The following PON2 variants were observed in gnomAD, a reference collection of about 807,000 sequenced individuals.
PON2 encodes paraoxonase 2.
A neutral mutation model predicts 36.6 loss-of-function variants in PON2; 27 were observed. The ratio of observed to expected loss-of-function variants is 0.74; its 90% CI spans 0.54 to 1.02. PON2 has a LOEUF of 1.02. Among genes scored for constraint, PON2 ranks in the 50% least tolerant of loss-of-function variants. PON2 has a pLI of 0.00. For missense variants in PON2, 363 were observed against 421.1 expected (o/e 0.86, Z 1.21); for synonymous variants, 149 against 156.3 (o/e 0.95, Z 0.35).
intron 1 of PON2, among the ~76,000 whole-genome samples, chr7:95,429,397 T>G (rs932002412): frequency 1.3e-5 from 2 of 152,148 alleles, no homozygotes; most frequent in Non-Finnish European, 2.9e-5. Context: ...TATTCCATGG[T>G]GTATATGTGC....
chr7:95,416,045 C>T (rs1201713989), intron 3 of PON2, 197 bp downstream of exon 3: 2 of 910,826 alleles, frequency 2.2e-6, no homozygotes, highest in South Asian at 3.5e-5. Flanking sequence ...ATAAAGAACA[C>T]TATCTCAATG....
intron 2 of PON2, among the ~76,000 whole-genome samples, chr7:95,422,014 T>C (rs1029078036): frequency 1.3e-4 from 20 of 152,302 alleles, no homozygotes; most frequent in African/African-American, 4.6e-4. Context: ...TAAACACATA[T>C]TCTAAGGGAA....
chr7:95,414,911 A>G (rs1789025381), intron 3 of PON2, among the ~76,000 whole-genome samples: 1 of 152,194 alleles, frequency 6.6e-6, no homozygotes, highest in Non-Finnish European at 1.5e-5. Context: ...GTATCTCTTT[A>G]TTGCCTCAGT....
At chr7:95,415,639 C>T (rs890288751) in intron 3 of PON2, among the ~76,000 whole-genome samples, 8 of 152,176 alleles carry the variant, frequency 5.3e-5, no homozygotes, top group Admixed American at 5.2e-4. Context: ...TCAAATATCC[C>T]TCTTAATAGT....
rs1788932364 is a variant in PON2 at position 95,411,765 on chromosome 7, G to A, written c.382C>T (p.Leu128Phe). 1.9e-6 allele frequency: 3 copies of A among 1,613,598 alleles called. No homozygotes were observed. The East Asian group carries it at 6.7e-5, about 36-fold the overall frequency. Residue 128 changes from leucine to phenylalanine, a missense_variant, in exon 5 of 9, where the codon CTC becomes TTC. Coordinates refer to ENST00000222572, the MANE Select transcript of PON2 (RefSeq NM_000305.3). ...AATTCTGGGTGGTTTACAACAAAGA[G>A]ATAAACTGTGTCATCTAAAGAATTG... is the stretch of plus-strand genomic sequence containing the variant. ...TFIDNDDTVY[L>F]FVVNHPEFKN...
rs1041182781 is a variant in PON2, at chr7:95,412,429, C to T, written c.250G>A (p.Gly84Arg). The change falls in exon 4 of 9, where the codon GGA becomes AGA. Residue 84 changes from glycine to arginine, a missense_variant. By Grantham distance (125) the Gly-to-Arg change is moderately radical. Coordinates refer to ENST00000222572, the MANE Select transcript of PON2 (RefSeq NM_000305.3). ...TCTTTTAGATCCATCATTAGTATTC[C>T]TCCAGGCTTATCTGGTGCAAAGCTG... is the stretch of plus-strand genomic sequence containing the variant. ...LHSFAPDKPGGILMMDLKEEK... is the reference protein window; with the variant it reads ...LHSFAPDKPGRILMMDLKEEK... 7.4e-6 allele frequency: 12 copies of T among 1,614,066 alleles called. No individual in the cohort carries two copies. Among genetic ancestry groups the T allele is most frequent in the Non-Finnish European group, 1.0e-5 (12 of 1,179,994 alleles).
intron 2 of PON2, among the ~76,000 whole-genome samples, chr7:95,419,121 T>A (rs1477741023): frequency 2.0e-5 from 3 of 152,238 alleles, no homozygotes; most frequent in Non-Finnish European, 4.4e-5. Context: ...CCAATCATGT[T>A]TAAAAGGTGT....
At chr7:95,414,694 C>T (rs1156504345) in intron 3 of PON2, among the ~76,000 whole-genome samples, 2 of 152,264 alleles carry the variant, frequency 1.3e-5, no homozygotes, top group East Asian at 3.9e-4. Context: ...AGAATGTTTG[C>T]ATCTTTACTT....
At chr7:95,405,609 A>C in intron 8 of PON2, 121 bp from the exon 9 acceptor site, 1 of 973,714 alleles carries the variant, frequency 1.0e-6, no homozygotes. Flanking sequence ...TGAAAATAGC[A>C]GTTACCAATC....
At chr7:95,407,206 A>G (rs904831128) in intron 6 of PON2, 138 bp from the exon 7 acceptor site, 7 of 561,488 alleles carry the variant, frequency 1.2e-5, no homozygotes, top group African/African-American at 7.6e-5. Context: ...ATAAAGGTCA[A>G]TTTTTATTTA....
chr7:95,416,515 A>T, intron 2 of PON2: 1 of 581,400 alleles, frequency 1.7e-6, no homozygotes, highest in South Asian at 2.0e-5. Context: ...TGTTTACTCA[A>T]ATCAAAGTCA....
At position 95,421,284 on chromosome 7, in the gene PON2, T is replaced by C. The variant is rs1231245084; in HGVS notation, c.145+3231A>G. ...CAGTGAGTTGTAAGAGGAATGCACT[T>C]GGCAGTCTGTCATGTAACATGGCTG... On this transcript the variant is annotated intron_variant, in intron 2 of 8. Coordinates refer to ENST00000222572, the MANE Select transcript of PON2 (RefSeq NM_000305.3). Among the ~76,000 whole-genome samples, 4 of 152,348 alleles carry C rather than the reference T, an allele frequency of 2.6e-5. No homozygotes were observed. The South Asian group carries it at 6.2e-4, about 24-fold the overall frequency.
chr7:95,411,885 G>A, intron 4 of PON2, 106 bp from the exon 5 acceptor site: 1 of 1,177,356 alleles, frequency 8.5e-7, no homozygotes, highest in South Asian at 1.3e-5. Flanking sequence ...GAATGTATAA[G>A]CTGTTAGACG....
rs1410707136 is a variant in PON2 at position 95,434,944 on chromosome 7, C to A, written c.8G>T (p.Arg3Leu). ...CCCCAGCAAGCCCACAGCCACCAGC[C>A]GCCCCATGGCGCGGGAGCCGGGCGC... MGRLVAVGLLGIA... is the reference protein window; with the variant it reads MGLLVAVGLLGIA... The change falls in exon 1 of 9, where the codon CGG (arginine) becomes CTG (leucine). Residue 3 changes from arginine (R) to leucine (L), a missense_variant. Physicochemically the swap from Arg to Leu is moderately radical, Grantham distance 102 (BLOSUM62 -2). Coordinates refer to ENST00000222572, the MANE Select transcript of PON2 (RefSeq NM_000305.3). The A allele has an allele frequency of 3.3e-6, 5 of 1,528,154 alleles. No individual in the cohort carries two copies. Among genetic ancestry groups the A allele is most frequent in the African/African-American group, 1.4e-5 (1 of 70,376 alleles). The allele number at this position is 1,528,154 out of a possible 1,614,324, so 94.7% of individuals were successfully genotyped here. A position where few individuals can be genotyped will look rare whatever the true frequency, so the allele number is the denominator to read the frequency against.
At chr7:95,405,580 G>T in intron 8 of PON2, 92 bp from the exon 9 acceptor site, 1 of 1,219,348 alleles carries the variant, frequency 8.2e-7, no homozygotes, top group Non-Finnish European at 1.2e-6. Flanking sequence ...ATGACACACT[G>T]ATTAAGGGGA....
intron 2 of PON2, among the ~76,000 whole-genome samples, chr7:95,422,624 A>G (rs1182368441): frequency 6.6e-6 from 1 of 152,256 alleles, no homozygotes; most frequent in Non-Finnish European, 1.5e-5. Flanking sequence ...AGTATTCATA[A>G]AAAGAAAAAG....
Position 95,412,473 on chromosome 7 carries a change from A to C in PON2, c.206T>G (p.Leu69Arg). ...PNGLAFFSVGLKFPGLHSFAP... is the reference protein window; with the variant it reads ...PNGLAFFSVGRKFPGLHSFAP... ...AAAGCTGTGGAGTCCTGGGAATTTT[A>C]GACCCTTTCCAAAACGGTGAAAAAT... is the stretch of plus-strand genomic sequence containing the variant. The change falls in exon 4 of 9, where the codon CTA becomes CGA. Residue 69 changes from leucine (L) to arginine (R), a missense_variant. Transcript: ENST00000222572. The C allele has an allele frequency of 6.2e-7, 1 of 1,613,946 alleles. No individual in the cohort carries two copies. Among genetic ancestry groups the C allele is most frequent in the South Asian group, 1.1e-5 (1 of 91,070 alleles).
chr7:95,428,830 C>A (rs1789372275), intron 1 of PON2, among the ~76,000 whole-genome samples: 1 of 152,154 alleles, frequency 6.6e-6, no homozygotes, highest in African/African-American at 2.4e-5. Context: ...GCTTGAATTT[C>A]ATTGTCTACA....
intron 3 of PON2, 62 bp from the exon 4 acceptor site, chr7:95,412,539 G>C: frequency 6.6e-7 from 1 of 1,516,132 alleles, no homozygotes; most frequent in Non-Finnish European, 9.1e-7. Context: ...GACTAACATG[G>C]GAACTGTACA....
Sources: gnomAD v4.1 joint callset for allele counts (sites outside exome capture counted in the v4.1 genomes callset) on GRCh38, gnomAD v4.1.1 for gene constraint, MANE v1.5 for transcripts, NCBI Gene and HGNC (gene_info 2026-07-23, HGNC 2026-07-21) for gene names.